The following OTOGL variants were observed in gnomAD, a reference collection of about 807,000 sequenced individuals.
OTOGL encodes otogelin like.
OTOGL carries 285 observed loss-of-function variants against 318.5 expected under a neutral mutation model. The observed-to-expected ratio is 0.89, with a 90% CI of 0.81 to 0.99. The LOEUF (loss-of-function observed/expected upper bound fraction) is 0.99. OTOGL is among the 50% of genes least tolerant of loss of function. The pLI is 0.00. For missense variants in OTOGL, 2,899 were observed against 2,845.6 expected (o/e 1.02, Z -0.43); for synonymous variants, 987 against 936.5 (o/e 1.05, Z -0.99).
chr12:80,108,155 A>G (rs1215121398), intron 1 of OTOGL, among the ~76,000 whole-genome samples: 1 of 152,186 alleles, frequency 6.6e-6, no homozygotes, highest in Non-Finnish European at 1.5e-5. Context: ...GTTGGCAAAT[A>G]GATTTATTTT....
chr12:80,184,945 G>C (rs997795307), intron 1 of OTOGL, among the ~76,000 whole-genome samples: 1 of 152,214 alleles, frequency 6.6e-6, no homozygotes, highest in African/African-American at 2.4e-5. Context: ...GTATTGGACT[G>C]TTACTCATCT....
chr12:80,314,321 C>A lies in OTOGL; in HGVS notation c.3624C>A (p.Tyr1208Ter). ...TTCTTTTAGCACTTGATTGTGAATACTACAATGAAGGTATGTGACATTCAA... is the reference window on the plus strand; with the variant it reads ...TTCTTTTAGCACTTGATTGTGAATAATACAATGAAGGTATGTGACATTCAA... ...SSTVCSLDCE[Y>*]YNEGLGEGPY... Residue 1208 changes from tyrosine (Y) to a stop codon, truncating the protein, a stop_gained, in exon 32 of 59, where the codon TAC becomes TAA. Coordinates refer to ENST00000547103, the MANE Select transcript of OTOGL (RefSeq NM_001378609.3). LOFTEE classifies it high-confidence loss of function. 9.6e-7 allele frequency: 1 copy of A among 1,046,974 alleles called. No individual in the cohort carries two copies. The highest frequency in any genetic ancestry group is 1.3e-6 in the Non-Finnish European group (1 of 782,710). 64.9% of individuals were successfully genotyped at this position (1,046,974 alleles called of 1,614,324 possible).
chr12:80,185,242 G>A (rs576150716), intron 1 of OTOGL, among the ~76,000 whole-genome samples: 1 of 152,200 alleles, frequency 6.6e-6, no homozygotes, highest in South Asian at 2.1e-4. Context: ...CTGGCTCTGA[G>A]GTCAGGCTGC....
intron 1 of OTOGL, among the ~76,000 whole-genome samples, chr12:80,139,036 C>T (rs530957309): frequency 3.1e-4 from 47 of 152,180 alleles, no homozygotes; most frequent in African/African-American, 1.1e-3. Context: ...TCCCTTATAG[C>T]GAGGGTCCTA....
intron 1 of OTOGL, among the ~76,000 whole-genome samples, chr12:80,105,118 C>T (rs1592455139): frequency 1.3e-5 from 2 of 151,536 alleles, no homozygotes; most frequent in East Asian, 3.9e-4. Flanking sequence ...ACAAAACAAA[C>T]GAACAAAACT....
intron 29 of OTOGL, among the ~76,000 whole-genome samples, chr12:80,308,535 C>T (rs61950655): frequency 3.3e-5 from 5 of 151,682 alleles, no homozygotes; most frequent in Non-Finnish European, 2.9e-5. Context: ...GGCGGCCAGG[C>T]GGAGACGCTC....
chr12:80,106,917 G>C (rs1217390077), intron 1 of OTOGL, among the ~76,000 whole-genome samples: 3 of 140,930 alleles, frequency 2.1e-5, no homozygotes, highest in African/African-American at 7.9e-5. Flanking sequence ...TTTTTACTTT[G>C]GTTAATTTGC....
At chr12:80,277,348 T>C (rs1431274159) in intron 24 of OTOGL, among the ~76,000 whole-genome samples, 1 of 147,514 alleles carries the variant, frequency 6.8e-6, no homozygotes, top group Non-Finnish European at 1.5e-5. Flanking sequence ...TATATATTTA[T>C]ATTAAATGAT....
chr12:80,290,339 C>G (rs1447485454), intron 26 of OTOGL, among the ~76,000 whole-genome samples: 1 of 151,870 alleles, frequency 6.6e-6, no homozygotes, highest in Non-Finnish European at 1.5e-5. Context: ...CCTATTCGGC[C>G]ATCTTGCCAA....
At chr12:80,267,405 A>ATT in intron 22 of OTOGL, 78 bp downstream of exon 22, 1 of 673,662 alleles carries the variant, frequency 1.5e-6, no homozygotes, top group Middle Eastern at 5.6e-4. Flanking sequence ...ATATATATAT[A>ATT]TATTTTTTTA....
chr12:80,197,289 G>A (rs1391168073), intron 1 of OTOGL, among the ~76,000 whole-genome samples: 2 of 152,044 alleles, frequency 1.3e-5, no homozygotes, highest in East Asian at 1.9e-4. Flanking sequence ...TTGTGTACCT[G>A]TTCTCAGGGT....
chr12:80,152,124 G>C (rs1212311592), intron 1 of OTOGL, among the ~76,000 whole-genome samples: 1 of 152,054 alleles, frequency 6.6e-6, no homozygotes, highest in Non-Finnish European at 1.5e-5. Context: ...AAATTAGACT[G>C]GTGTCTCCTA....
intron 1 of OTOGL, among the ~76,000 whole-genome samples, chr12:80,125,021 A>G (rs947498623): frequency 2.0e-5 from 3 of 152,148 alleles, no homozygotes; most frequent in African/African-American, 7.2e-5. Context: ...CTAATTGAAT[A>G]CCCTTTATTC....
chr12:80,307,900 G>A (rs1431743343), intron 29 of OTOGL, among the ~76,000 whole-genome samples: 9 of 140,170 alleles, frequency 6.4e-5, no homozygotes, highest in African/African-American at 2.7e-4. Flanking sequence ...TCCCGGACGG[G>A]GCGGCTGGCC....
chr12:80,153,234 C>T lies in OTOGL; in HGVS notation c.-20+53629C>T, dbSNP rs568005076. On this transcript the variant is annotated intron_variant, in intron 1 of 58. Transcript: ENST00000547103. ...GCAGATTTGGTGTCTGATGAGGGCA[C>T]GTTTTCTGGTTCATAGACAGCCATC... Among the ~76,000 whole-genome samples, 27 of 152,146 alleles carry T rather than the reference C, an allele frequency of 1.8e-4. No homozygotes were observed. In the East Asian group the frequency reaches 4.3e-3, roughly 24 times the overall value.
Position 80,323,097 on chromosome 12 carries a change from T to TAC in OTOGL, c.4082-576_4082-575dup, listed in dbSNP as rs200949284. Among the ~76,000 whole-genome samples the TAC allele has an allele frequency of 1.9e-3, 238 of 127,148 alleles. 1 individual carries two copies. The highest frequency in any genetic ancestry group is 5.0e-3 in the African/African-American group (181 of 36,196). 83.4% of individuals were successfully genotyped at this position (127,148 alleles called of 152,430 possible). A position where few individuals can be genotyped will look rare whatever the true frequency, so the allele number is the denominator to read the frequency against. On this transcript the variant is annotated intron_variant, in intron 34 of 58. Transcript: ENST00000547103. The stretch of plus-strand genomic sequence containing the variant: ...GATGTGAAGACAGATGAAAACCCAC[T>TAC]ACACACACACACACACACACACACA...
At chr12:80,270,474 T>C (rs887760648) in intron 23 of OTOGL, among the ~76,000 whole-genome samples, 2 of 152,152 alleles carry the variant, frequency 1.3e-5, no homozygotes, top group African/African-American at 4.8e-5. Flanking sequence ...GCAAGTGTTG[T>C]AACCCATTTG....
intron 4 of OTOGL, among the ~76,000 whole-genome samples, chr12:80,216,135 C>G (rs1202968664): frequency 1.3e-5 from 2 of 151,972 alleles, no homozygotes; most frequent in Admixed American, 1.3e-4. Context: ...GGAAACACAG[C>G]GAGACCCCAT....
intron 1 of OTOGL, among the ~76,000 whole-genome samples, chr12:80,184,977 GAGAT>G (rs1400790666): frequency 6.6e-6 from 1 of 152,188 alleles, no homozygotes; most frequent in Non-Finnish European, 1.5e-5. Flanking sequence ...TAGGGGTTCA[GAGAT>G]AGATTTAATT....
Sources: allele counts gnomAD v4.1 joint callset (sites outside exome capture counted in the v4.1 genomes callset), GRCh38; gene constraint gnomAD v4.1.1; transcripts MANE v1.5; gene names NCBI Gene and HGNC (gene_info 2026-07-23, HGNC 2026-07-21).